DNAH14: variants seen among roughly 807,000 people sequenced by gnomAD.
DNAH14 encodes dynein axonemal heavy chain 14.
In DNAH14, 478 loss-of-function variants were observed where a neutral mutation model predicts 520.9. The observed-to-expected ratio is 0.92, with a 90% confidence interval of 0.85 to 0.99. The LOEUF is 0.99. Ranked by LOEUF, DNAH14 falls within the 50% of genes least tolerant of loss-of-function variation. The pLI, the probability that DNAH14 is intolerant of heterozygous loss-of-function variation, is 0.00. For missense variants in DNAH14, 4,831 were observed against 5,234.5 expected, an observed-to-expected ratio of 0.92 and a Z score of 2.38; for synonymous variants, 1,581 against 1,757.2, an observed-to-expected ratio of 0.90 and a Z score of 2.51.
chr1:225,245,762 T>G (rs998777601), intron 43 of DNAH14, among the ~76,000 whole-genome samples: 1 of 152,122 alleles, frequency 6.6e-6, no homozygotes, highest in Non-Finnish European at 1.5e-5. Context: ...TGCTCATGGA[T>G]AGGAAGAATC....
At chr1:225,335,101 GTA>G (rs747686245) in intron 66 of DNAH14, among the ~76,000 whole-genome samples, 2 of 147,114 alleles carry the variant, frequency 1.4e-5, no homozygotes, top group South Asian at 2.1e-4. Context: ...ATACATATAT[GTA>G]TATATACATA....
At chr1:224,998,392 TTAATG>T (rs1404228905) in intron 8 of DNAH14, among the ~76,000 whole-genome samples, 1 of 152,156 alleles carries the variant, frequency 6.6e-6, no homozygotes, top group Admixed American at 6.5e-5. Context: ...CAATGCCTCT[TTAATG>T]TAAGCATTCA....
chr1:225,151,991 G>T lies in DNAH14; in HGVS notation c.4941-14G>T. On this transcript the variant is annotated splice_polypyrimidine_tract_variant and intron_variant, in intron 31 of 85. Transcript: ENST00000682510. ...GAAAACAGTGCTAGTGATGAATACT[G>T]TAATGTCTTTTAGGTTTGTACTGGA... The T allele has an allele frequency of 6.5e-7, 1 of 1,549,138 alleles. No homozygotes were observed. Among genetic ancestry groups the T allele is most frequent in the South Asian group, 1.2e-5 (1 of 83,996 alleles).
chr1:225,222,779 G>A (rs995535957), intron 41 of DNAH14, among the ~76,000 whole-genome samples: 8 of 152,226 alleles, frequency 5.3e-5, no homozygotes, highest in South Asian at 2.1e-4. Flanking sequence ...GCGGATCCTC[G>A]GTTTTGCAGG....
chr1:225,066,435 C>T (rs1019526692), intron 17 of DNAH14, among the ~76,000 whole-genome samples: 1 of 151,892 alleles, frequency 6.6e-6, no homozygotes, highest in Non-Finnish European at 1.5e-5. Context: ...AGCTTTGCCC[C>T]TGTCTTCTTC....
chr1:225,294,646 CCCAA>C (rs1448807873), intron 55 of DNAH14, among the ~76,000 whole-genome samples: 1 of 151,918 alleles, frequency 6.6e-6, no homozygotes, highest in Non-Finnish European at 1.5e-5. Flanking sequence ...CATGGTGAAA[CCCAA>C]TATCTACTAA....
At chr1:225,163,365 A>T (rs1046366774) in intron 35 of DNAH14, among the ~76,000 whole-genome samples, 3 of 151,944 alleles carry the variant, frequency 2.0e-5, no homozygotes, top group African/African-American at 7.3e-5. Context: ...CTCTTGTCTG[A>T]TTGCTCCAGC....
intron 2 of DNAH14, among the ~76,000 whole-genome samples, chr1:224,953,556 A>G (rs2060318639): frequency 6.6e-6 from 1 of 152,200 alleles, no homozygotes; most frequent in African/African-American, 2.4e-5. Flanking sequence ...AAAACTTATT[A>G]TAAAGCTATC....
chr1:225,350,767 AAG>A (rs2095354315), intron 71 of DNAH14, among the ~76,000 whole-genome samples: 1 of 152,134 alleles, frequency 6.6e-6, no homozygotes, highest in South Asian at 2.1e-4. Context: ...CCAAAAAAAA[AAG>A]AAAATTTTAG....
At chr1:224,973,473 A>G (rs2061625330) in intron 7 of DNAH14, among the ~76,000 whole-genome samples, 1 of 152,222 alleles carries the variant, frequency 6.6e-6, no homozygotes, top group Admixed American at 6.5e-5. Context: ...CGTGCATAAT[A>G]TAGGTGGCCA....
In DNAH14 at chr1:225,257,949, T is replaced by C. The variant is rs201905436; in HGVS notation, c.6866-11T>C. 1.6e-5 allele frequency: 24 copies of C among 1,537,522 alleles called. No homozygotes were observed. Among genetic ancestry groups the C allele is most frequent in the Non-Finnish European group, 2.0e-5 (23 of 1,141,542 alleles). On this transcript the variant is annotated splice_polypyrimidine_tract_variant and intron_variant, in intron 44 of 85. Coordinates refer to ENST00000682510, the MANE Select transcript of DNAH14 (RefSeq NM_001367479.1). Reference sequence around the variant, plus strand: ...AGGTCATTTGAAACTTTTTTTAAAATGTTAACTTAGGAACTTCATTACTAA... The same window carrying C: ...AGGTCATTTGAAACTTTTTTTAAAACGTTAACTTAGGAACTTCATTACTAA...
At chr1:225,073,648 G>A (rs76590747) in intron 17 of DNAH14, among the ~76,000 whole-genome samples, 2,800 of 151,154 alleles carry the variant, frequency 0.019, 99 homozygotes, top group African/African-American at 0.065. Flanking sequence ...TGTTGTTGTT[G>A]TTGTTTTCAG....
At chr1:225,182,806 A>G (rs553934571) in intron 36 of DNAH14, among the ~76,000 whole-genome samples, 2 of 152,314 alleles carry the variant, frequency 1.3e-5, no homozygotes, top group Admixed American at 1.3e-4. Context: ...TGGACCAGAA[A>G]GGAATCTGTC....
At chr1:225,132,385 T>C (rs1305011076) in intron 27 of DNAH14, among the ~76,000 whole-genome samples, 1 of 136,544 alleles carries the variant, frequency 7.3e-6, no homozygotes, top group Non-Finnish European at 1.7e-5. Flanking sequence ...CAGGCCCCAA[T>C]GTGTGTTGTT....
At position 225,085,734 on chromosome 1, in the gene DNAH14, AG is replaced by A; in HGVS notation, c.3519del (p.Glu1173AspfsTer22). The A allele has an allele frequency of 6.4e-7, 1 of 1,551,436 alleles. No individual in the cohort carries two copies. The highest frequency in any genetic ancestry group is 1.2e-5 in the South Asian group (1 of 83,958). ...GATGACATATCAGCTCAGTTAGAAG[AG>A]TCTCAAGTCATACTTGCAACAATTA... ...SIDDISAQLE[E>X]SQVILATIKG... On this transcript the variant is annotated frameshift_variant, in exon 21 of 86. Coordinates refer to ENST00000682510, the MANE Select transcript of DNAH14 (RefSeq NM_001367479.1). LOFTEE classifies it high-confidence loss of function.
At chr1:225,379,878 G>C (rs1338537138) in intron 79 of DNAH14, among the ~76,000 whole-genome samples, 3 of 152,100 alleles carry the variant, frequency 2.0e-5, no homozygotes, top group Non-Finnish European at 4.4e-5. Context: ...GAGGTACATA[G>C]TAATGTTTCA....
chr1:225,022,927 T>C (rs888071498), intron 10 of DNAH14, among the ~76,000 whole-genome samples: 8 of 152,192 alleles, frequency 5.3e-5, no homozygotes, highest in African/African-American at 1.7e-4. Context: ...AAGAACGATA[T>C]CATGTCCTTT....
At chr1:225,176,078 T>C (rs1396967895) in intron 36 of DNAH14, among the ~76,000 whole-genome samples, 2 of 152,184 alleles carry the variant, frequency 1.3e-5, no homozygotes, top group Non-Finnish European at 2.9e-5. Context: ...AAGGAAAGAA[T>C]GCATTATGTT....
At chr1:225,183,944 A>G (rs961309749) in intron 36 of DNAH14, among the ~76,000 whole-genome samples, 1 of 151,180 alleles carries the variant, frequency 6.6e-6, no homozygotes, top group Non-Finnish European at 1.5e-5. Context: ...CCTACCAAAC[A>G]AAAAAAAACC....
Sources: gnomAD v4.1 joint callset for allele counts (sites outside exome capture counted in the v4.1 genomes callset) on GRCh38, gnomAD v4.1.1 for gene constraint, MANE v1.5 for transcripts, NCBI Gene and HGNC (gene_info 2026-07-23, HGNC 2026-07-21) for gene names.